THSD7B: variants seen among roughly 807,000 people sequenced by gnomAD.
THSD7B encodes the protein thrombospondin type-1 domain-containing protein 7B.
THSD7B carries 138 observed loss-of-function variants against 213.6 expected under a neutral mutation model. The observed-to-expected ratio is 0.65, with a 90% confidence interval of 0.56 to 0.74. The LOEUF (loss-of-function observed/expected upper bound fraction) is 0.74, where lower values mean the gene tolerates loss of function less well. Ranked by LOEUF, THSD7B falls within the 30% of genes least tolerant of loss-of-function variation. The pLI is 0.00. For missense variants in THSD7B, 1,931 were observed against 1,991.5 expected (o/e 0.97, Z 0.58); for synonymous variants, 742 against 687.0 (o/e 1.08, Z -1.25).
chr2:137,648,996 G>C (rs1683089272), intron 21 of THSD7B, among the ~76,000 whole-genome samples: 1 of 151,946 alleles, frequency 6.6e-6, no homozygotes, highest in South Asian at 2.1e-4. Flanking sequence ...TTATGCTTTT[G>C]ATTTACATTT....
intron 6 of THSD7B, among the ~76,000 whole-genome samples, chr2:137,166,142 C>T (rs137957495): frequency 2.6e-5 from 4 of 152,192 alleles, no homozygotes; most frequent in African/African-American, 7.2e-5. Context: ...TGTTCACAGC[C>T]TTCACACCCT....
At chr2:137,390,908 T>C (rs2104978130) in intron 12 of THSD7B, among the ~76,000 whole-genome samples, 1 of 152,274 alleles carries the variant, frequency 6.6e-6, no homozygotes, top group African/African-American at 2.4e-5. Flanking sequence ...TTTTTTGATG[T>C]GATGTTGGAT....
intron 2 of THSD7B, among the ~76,000 whole-genome samples, chr2:136,890,332 TTC>T (rs1447530996): frequency 0.045 from 174 of 3,870 alleles, 37 homozygotes; most frequent in African/African-American, 0.11. Context: ...CTTCTTCTTC[TTC>T]TTCTTCTTCT....
At chr2:136,781,641 C>A (rs1468660553) in intron 1 of THSD7B, among the ~76,000 whole-genome samples, 3 of 152,024 alleles carry the variant, frequency 2.0e-5, no homozygotes, top group Non-Finnish European at 4.4e-5. Flanking sequence ...ACTATGGCCC[C>A]TCCCCTCTTC....
chr2:136,933,687 A>C (rs958341362), intron 2 of THSD7B, among the ~76,000 whole-genome samples: 2 of 114,968 alleles, frequency 1.7e-5, no homozygotes, highest in African/African-American at 2.7e-5. Context: ...TTAATAATCA[A>C]TCTCTTCTTC....
chr2:137,513,239 A>G (rs1338385056), intron 15 of THSD7B, among the ~76,000 whole-genome samples: 1 of 152,348 alleles, frequency 6.6e-6, no homozygotes, highest in African/African-American at 2.4e-5. Context: ...CATTGAGATT[A>G]TGCACTAATT....
intron 3 of THSD7B, among the ~76,000 whole-genome samples, chr2:137,089,577 T>C (rs557069274): frequency 1.3e-5 from 2 of 152,042 alleles, no homozygotes; most frequent in Non-Finnish European, 1.5e-5. Flanking sequence ...CCAAACATCA[T>C]ATGTCCTCAC....
intron 7 of THSD7B, among the ~76,000 whole-genome samples, chr2:137,203,370 A>G (rs1343994348): frequency 6.6e-6 from 1 of 152,058 alleles, no homozygotes; most frequent in Non-Finnish European, 1.5e-5. Context: ...TGGAATTGGC[A>G]TGGGTGTTAG....
chr2:137,326,138 G>A (rs1684369386), intron 12 of THSD7B, among the ~76,000 whole-genome samples: 1 of 152,144 alleles, frequency 6.6e-6, no homozygotes, highest in African/African-American at 2.4e-5. Context: ...GGGGAATTAT[G>A]TTAGATCCAT....
intron 2 of THSD7B, among the ~76,000 whole-genome samples, chr2:136,994,071 C>T (rs1276138352): frequency 1.3e-5 from 2 of 152,164 alleles, no homozygotes; most frequent in Non-Finnish European, 2.9e-5. Context: ...CAAGGTCACT[C>T]AGCCATTGCC....
At chr2:137,224,828 A>AGC (rs1681459275) in intron 7 of THSD7B, among the ~76,000 whole-genome samples, 1 of 151,656 alleles carries the variant, frequency 6.6e-6, no homozygotes, top group Admixed American at 6.6e-5. Context: ...AGAACTTTGT[A>AGC]TACCCAGTTA....
intron 2 of THSD7B, among the ~76,000 whole-genome samples, chr2:137,005,870 G>A (rs1360358098): frequency 1.3e-5 from 2 of 152,150 alleles, no homozygotes; most frequent in Non-Finnish European, 2.9e-5. Context: ...TACTGGATTG[G>A]AGGGAAAACT....
At chr2:137,072,242 T>C (rs1486448444) in intron 3 of THSD7B, among the ~76,000 whole-genome samples, 4 of 152,208 alleles carry the variant, frequency 2.6e-5, no homozygotes, top group African/African-American at 9.7e-5. Context: ...CCCATGAGCA[T>C]GCATTGTTCT....
At chr2:136,831,884 T>C (rs531714959) in intron 1 of THSD7B, among the ~76,000 whole-genome samples, 3 of 152,304 alleles carry the variant, frequency 2.0e-5, no homozygotes, top group Admixed American at 1.3e-4. Context: ...AGTCCTTCTG[T>C]ATGGGCCTTT....
chr2:137,038,435 C>A (rs993826597), intron 2 of THSD7B, among the ~76,000 whole-genome samples: 4 of 152,316 alleles, frequency 2.6e-5, no homozygotes, highest in Non-Finnish European at 4.4e-5. Context: ...ATGAGCCCGG[C>A]ATCCCTTTGG....
chr2:137,217,695 AC>A (rs1392116680), intron 7 of THSD7B, among the ~76,000 whole-genome samples: 2 of 152,132 alleles, frequency 1.3e-5, no homozygotes, highest in African/African-American at 4.8e-5. Flanking sequence ...GAAACCAAAA[AC>A]ATCTCAGATG....
intron 2 of THSD7B, among the ~76,000 whole-genome samples, chr2:136,977,884 C>G (rs182271656): frequency 6.6e-6 from 1 of 151,252 alleles, no homozygotes; most frequent in Admixed American, 6.6e-5. Flanking sequence ...ACTGCAACCT[C>G]TGCCTCCCAG....
chr2:137,555,186 A>AAG (rs1266967249), intron 15 of THSD7B, among the ~76,000 whole-genome samples: 1 of 152,182 alleles, frequency 6.6e-6, no homozygotes, highest in Non-Finnish European at 1.5e-5. Flanking sequence ...GACAGCTTTG[A>AAG]AGAGAGTAGT....
At chr2:137,039,068 C>G (rs1329657071) in intron 2 of THSD7B, among the ~76,000 whole-genome samples, 1 of 152,180 alleles carries the variant, frequency 6.6e-6, no homozygotes, top group Admixed American at 6.5e-5. Flanking sequence ...GTAAAGCACA[C>G]AGTTATGTAA....
Sources: allele counts gnomAD v4.1 joint callset (sites outside exome capture counted in the v4.1 genomes callset), GRCh38; gene constraint gnomAD v4.1.1; transcripts MANE v1.5; gene names NCBI Gene and HGNC (gene_info 2026-07-23, HGNC 2026-07-21).